BIRC6: variants seen among roughly 807,000 people sequenced by gnomAD.
The protein encoded by BIRC6 is baculoviral IAP repeat containing 6.
BIRC6 carries 98 observed loss-of-function variants against 503.3 expected under a neutral mutation model. The observed-to-expected ratio is 0.19, with a 90% CI of 0.17 to 0.23. The LOEUF (loss-of-function observed/expected upper bound fraction) is 0.23. Among genes scored for constraint, BIRC6 ranks in the 10% least tolerant of loss-of-function variants. The pLI is 1.00. For synonymous variants in BIRC6, 2,240 were observed against 2,078.7 expected, an observed-to-expected ratio of 1.08 and a Z score of -2.11; for missense variants, 5,360 against 5,806.0, an observed-to-expected ratio of 0.92 and a Z score of 2.50.
intron 57 of BIRC6, chr2:32,522,775 G>A (rs2055866716): frequency 2.0e-5 from 3 of 152,122 alleles, no homozygotes; most frequent in Admixed American, 2.0e-4. Context: ...TACCTTTCCT[G>A]GCCTTCAGTG....
chr2:32,532,234 C>T (rs2056843406), intron 61 of BIRC6: 1 of 529,244 alleles, frequency 1.9e-6, no homozygotes, highest in Admixed American at 2.0e-5. Flanking sequence ...ACCAAAATAC[C>T]ACAAACGGGC....
Position 32,430,849 on chromosome 2 carries a change from T to C in BIRC6, c.3023-16T>C. On this transcript the variant is annotated splice_polypyrimidine_tract_variant and intron_variant, in intron 11 of 73. Coordinates refer to ENST00000421745, the MANE Select transcript of BIRC6 (RefSeq NM_016252.4). Reference sequence around the variant, plus strand: ...TTTCCACACCTATTTCAAATACTGCTCTCACTAATGTTAAGGAGTTGATTT... The same window carrying C: ...TTTCCACACCTATTTCAAATACTGCCCTCACTAATGTTAAGGAGTTGATTT... 1 of 896,734 alleles carries C rather than the reference T, an allele frequency of 1.1e-6. No individual in the cohort carries two copies. The allele number at this position is 896,734 out of a possible 1,614,324, so 55.5% of individuals were successfully genotyped here.
At chr2:32,411,624 T>C (rs965408824) in intron 9 of BIRC6, among the ~76,000 whole-genome samples, 1 of 151,616 alleles carries the variant, frequency 6.6e-6, no homozygotes, top group African/African-American at 2.4e-5. Context: ...ACTACAGGCA[T>C]GTACCACCAT....
At chr2:32,443,316 CCTT>C (rs1429803479) in intron 19 of BIRC6, 172 bp from the exon 20 acceptor site, 2 of 543,442 alleles carry the variant, frequency 3.7e-6, no homozygotes, top group East Asian at 3.1e-5. Context: ...TTACAACCCT[CCTT>C]AGTATAATCA....
chr2:32,525,105 C>T (rs1227601802), intron 58 of BIRC6, 86 bp downstream of exon 58: 1 of 1,144,290 alleles, frequency 8.7e-7, no homozygotes, highest in East Asian at 2.9e-5. Context: ...TTATGTAATA[C>T]ATTGTACTAA....
At chr2:32,531,825 T>C (rs996428889) in intron 61 of BIRC6, among the ~76,000 whole-genome samples, 1 of 152,226 alleles carries the variant, frequency 6.6e-6, no homozygotes, top group Non-Finnish European at 1.5e-5. Flanking sequence ...TAGCATTCTC[T>C]TTTCTATGCT....
At position 32,586,887 on chromosome 2, in the gene BIRC6, A is replaced by G. The variant is rs78732981; in HGVS notation, c.13356-7028A>G. Among the ~76,000 whole-genome samples, 309 of 152,322 alleles carry G rather than the reference A, an allele frequency of 2.0e-3. 1 individual carries two copies. The highest frequency in any genetic ancestry group is 6.8e-3 in the African/African-American group (282 of 41,564). ...ACCTTTTTATAAATGAGAAAAACAA[A>G]GTTCATACAGACTGTTATTTGTTCT... On this transcript the variant is annotated intron_variant, in intron 66 of 73. Coordinates refer to ENST00000421745, the MANE Select transcript of BIRC6 (RefSeq NM_016252.4).
At chr2:32,407,298 A>T (rs1253783368) in intron 9 of BIRC6, among the ~76,000 whole-genome samples, 2 of 152,114 alleles carry the variant, frequency 1.3e-5, no homozygotes, top group African/African-American at 4.8e-5. Context: ...ATAAAAAACA[A>T]TTAGCCAGGC....
intron 45 of BIRC6, among the ~76,000 whole-genome samples, chr2:32,497,175 T>C (rs1294635690): frequency 6.6e-6 from 1 of 152,198 alleles, no homozygotes; most frequent in Non-Finnish European, 1.5e-5. Context: ...TACGTTGAAT[T>C]ATATTGGTGT....
intron 42 of BIRC6, among the ~76,000 whole-genome samples, chr2:32,489,591 C>G (rs1399435222): frequency 6.6e-6 from 1 of 152,040 alleles, no homozygotes; most frequent in African/African-American, 2.4e-5. Flanking sequence ...GTGGGCAGAT[C>G]CCTTGAGGGC....
chr2:32,585,039 T>C (rs1050915618), intron 66 of BIRC6, among the ~76,000 whole-genome samples: 1 of 152,222 alleles, frequency 6.6e-6, no homozygotes, highest in African/African-American at 2.4e-5. Context: ...TTTTATAATT[T>C]AGTCATTTTT....
intron 10 of BIRC6, among the ~76,000 whole-genome samples, chr2:32,418,212 T>C: frequency 6.6e-6 from 1 of 152,214 alleles, no homozygotes; most frequent in East Asian, 1.9e-4. Flanking sequence ...GAATTACAGT[T>C]GAGAATTTCA....
chr2:32,362,766 G>A (rs371984829), intron 1 of BIRC6, among the ~76,000 whole-genome samples: 11 of 151,958 alleles, frequency 7.2e-5, no homozygotes, highest in East Asian at 3.8e-4. Flanking sequence ...CAGATAGCTT[G>A]GGTTAAGATC....
intron 6 of BIRC6, among the ~76,000 whole-genome samples, chr2:32,398,414 T>C (rs1188577447): frequency 6.6e-6 from 1 of 152,204 alleles, no homozygotes; most frequent in Non-Finnish European, 1.5e-5. Context: ...CTTTCAGATA[T>C]GTTACTGTAT....
chr2:32,574,122 C>T (rs2060094640), intron 65 of BIRC6, among the ~76,000 whole-genome samples: 2 of 151,152 alleles, frequency 1.3e-5, no homozygotes, highest in Non-Finnish European at 2.9e-5. Context: ...TTAAGGGTAC[C>T]AACCCCCACA....
At chr2:32,468,845 GT>G in intron 29 of BIRC6, 62 bp downstream of exon 29, 2 of 1,249,564 alleles carry the variant, frequency 1.6e-6, no homozygotes, top group Non-Finnish European at 2.2e-6. Flanking sequence ...TTCGCTGCAT[GT>G]TTTAGGATCT....
rs117096560 is a variant in BIRC6 at position 32,538,019 on chromosome 2, A to G, written c.12292-5222A>G. On this transcript the variant is annotated intron_variant, in intron 61 of 73. Coordinates refer to ENST00000421745, the MANE Select transcript of BIRC6 (RefSeq NM_016252.4). ...TTATTTAAAGGCTTTAAGAGCAACT[A>G]GAAGCAGGCAGAAATTAAAGAGGAT... Among the ~76,000 whole-genome samples the G allele has an allele frequency of 4.9e-3, 739 of 152,306 alleles. 28 individuals are homozygous for G. In the East Asian group the frequency reaches 0.093, roughly 19 times the overall value.
chr2:32,516,368 T>C (rs1402492337), intron 55 of BIRC6, among the ~76,000 whole-genome samples: 1 of 151,432 alleles, frequency 6.6e-6, no homozygotes, highest in African/African-American at 2.4e-5. Context: ...ACAAAAAAAT[T>C]AGCCGAGTGT....
chr2:32,477,498 G>C lies in BIRC6; in HGVS notation c.6983G>C (p.Cys2328Ser), dbSNP rs372554372. 32 of 1,613,800 alleles carry C rather than the reference G, an allele frequency of 2.0e-5. No homozygotes were observed. Among genetic ancestry groups the C allele is most frequent in the African/African-American group, 2.7e-5 (2 of 74,904 alleles). The part of the protein sequence containing the change: ...PLPFTLAHER[C>S]ISVVQKLVLF... Reference sequence around the variant, plus strand: ...CCATTTACTCTGGCCCATGAGCGTTGTATCTCAGTAGTCCAGAAACTTGTT... The same window carrying C: ...CCATTTACTCTGGCCCATGAGCGTTCTATCTCAGTAGTCCAGAAACTTGTT... The change falls in exon 35 of 74, where the codon TGT (cysteine) becomes TCT (serine). Residue 2328 changes from cysteine (C) to serine (S), a missense_variant. Coordinates refer to ENST00000421745, the MANE Select transcript of BIRC6 (RefSeq NM_016252.4).
Sources: allele counts gnomAD v4.1 joint callset (sites outside exome capture counted in the v4.1 genomes callset), GRCh38; gene constraint gnomAD v4.1.1; transcripts MANE v1.5; gene names NCBI Gene and HGNC (gene_info 2026-07-23, HGNC 2026-07-21).